Variants in NAALADL2 observed in about 807,000 individuals in gnomAD.
NAALADL2 encodes the protein N-acetylated alpha-linked acidic dipeptidase like 2, also known as inactive N-acetylated-alpha-linked acidic dipeptidase-like protein 2.
In NAALADL2, 76 loss-of-function variants were observed where a neutral mutation model predicts 87.2. That is an observed-to-expected ratio of 0.87 (90% CI 0.72 to 1.05). NAALADL2 has a LOEUF of 1.05. Among genes scored for constraint, NAALADL2 ranks in the 50% least tolerant of loss-of-function variants. NAALADL2 has a pLI of 0.00. For synonymous variants in NAALADL2, 354 were observed against 331.0 expected, an observed-to-expected ratio of 1.07 and a Z score of -0.75; for missense variants, 1,089 against 945.8, an observed-to-expected ratio of 1.15 and a Z score of -1.99.
At chr3:174,947,448 G>A (rs571691378) in intron 1 of NAALADL2, among the ~76,000 whole-genome samples, 1 of 152,094 alleles carries the variant, frequency 6.6e-6, no homozygotes, top group African/African-American at 2.4e-5. Flanking sequence ...AAGATTAACA[G>A]TTCCTTCCTT....
chr3:174,691,369 G>A (rs932950752), intron 2 of NAALADL2, among the ~76,000 whole-genome samples: 7 of 151,778 alleles, frequency 4.6e-5, no homozygotes, highest in African/African-American at 1.2e-4. Flanking sequence ...CCGAGATCGC[G>A]CCACTGCACT....
intron 2 of NAALADL2, among the ~76,000 whole-genome samples, chr3:174,661,170 G>C (rs1725466217): frequency 6.6e-6 from 1 of 152,054 alleles, no homozygotes; most frequent in South Asian, 2.1e-4. Flanking sequence ...AGGAAATCTT[G>C]GCCAGATGGG....
At chr3:174,721,899 G>A (rs115170938) in intron 2 of NAALADL2, among the ~76,000 whole-genome samples, 2,166 of 152,190 alleles carry the variant, frequency 0.014, 52 homozygotes, top group African/African-American at 0.049. Context: ...GACCAGAGGG[G>A]TCCAAGACGC....
intron 9 of NAALADL2, among the ~76,000 whole-genome samples, chr3:175,502,342 A>C (rs1862075): frequency 0.89 from 135,021 of 151,992 alleles, 59,999 homozygotes; most frequent in East Asian, 0.98. Context: ...AATGTATGTA[A>C]CCCTCATGCA....
chr3:174,795,246 C>T (rs1717953372), intron 3 of NAALADL2, among the ~76,000 whole-genome samples: 2 of 151,764 alleles, frequency 1.3e-5, no homozygotes, highest in Non-Finnish European at 2.9e-5. Flanking sequence ...ATTTACCAGC[C>T]TCAGCCTCCC....
chr3:174,850,506 A>C (rs9833244), intron 3 of NAALADL2, among the ~76,000 whole-genome samples: 30,570 of 152,156 alleles, frequency 0.2, 3,300 homozygotes, highest in East Asian at 0.44. Context: ...CAAGACAAAA[A>C]CTGTAAAAAG....
intron 9 of NAALADL2, among the ~76,000 whole-genome samples, chr3:175,572,088 G>T (rs13098945): frequency 6.6e-6 from 1 of 152,200 alleles, no homozygotes; most frequent in South Asian, 2.1e-4. Context: ...GGCCAACAGA[G>T]AAACTCTGGG....
intron 2 of NAALADL2, among the ~76,000 whole-genome samples, chr3:174,614,013 TCTGA>T (rs1295297080): frequency 2.6e-5 from 4 of 152,198 alleles, no homozygotes; most frequent in Admixed American, 2.6e-4. Context: ...GTCTCAGGAC[TCTGA>T]CTGATGTCCT....
rs1244400650 is a variant in NAALADL2 at position 175,718,195 on chromosome 3, G to GTTTTTTT, written c.1897-19089_1897-19083dup. The GTTTTTTT allele has an allele frequency of 1.0e-4, 84 of 823,386 alleles. 17 individuals carry two copies. The highest frequency in any genetic ancestry group is 8.9e-4 in the Middle Eastern group (2 of 2,238). 51.0% of individuals were successfully genotyped at this position (823,386 alleles called of 1,614,324 possible). On this transcript the variant is annotated intron_variant, in intron 11 of 13. Transcript: ENST00000454872. Reference sequence around the variant, plus strand: ...TGGAGGGGAAGGGGAAGGGCCTGTGGTTTTTTTTTTTTTTTTTTTTTTTTT... The same window carrying GTTTTTTT: ...TGGAGGGGAAGGGGAAGGGCCTGTGGTTTTTTTTTTTTTTTTTTTTTTTTTTTTTTTT...
chr3:175,260,887 T>C (rs1426299684), intron 4 of NAALADL2, among the ~76,000 whole-genome samples: 1 of 152,172 alleles, frequency 6.6e-6, no homozygotes, highest in African/African-American at 2.4e-5. Flanking sequence ...ATTGGTTTGA[T>C]CATAAATACT....
At chr3:174,978,064 C>G (rs1744599329) in intron 1 of NAALADL2, among the ~76,000 whole-genome samples, 1 of 152,196 alleles carries the variant, frequency 6.6e-6, no homozygotes, top group South Asian at 2.1e-4. Flanking sequence ...CAGGAGGAAA[C>G]AAGCGTAGAA....
intron 2 of NAALADL2, among the ~76,000 whole-genome samples, chr3:174,724,986 A>T (rs1294440069): frequency 6.6e-6 from 1 of 152,194 alleles, no homozygotes; most frequent in Non-Finnish European, 1.5e-5. Context: ...TTTTCAAAAA[A>T]ATCTAGAGCT....
intron 13 of NAALADL2, among the ~76,000 whole-genome samples, chr3:175,779,542 A>C (rs562443432): frequency 2.6e-5 from 4 of 152,034 alleles, no homozygotes; most frequent in Non-Finnish European, 4.4e-5. Context: ...TAAGCATATA[A>C]ACTTCAGTAT....
intron 5 of NAALADL2, among the ~76,000 whole-genome samples, chr3:175,426,017 A>G (rs1716715152): frequency 1.3e-5 from 2 of 152,150 alleles, no homozygotes; most frequent in South Asian, 4.1e-4. Flanking sequence ...GTCAGAGAGA[A>G]CTGAAATGCT....
chr3:175,646,869 T>A (rs1730081521), intron 11 of NAALADL2, among the ~76,000 whole-genome samples: 1 of 152,092 alleles, frequency 6.6e-6, no homozygotes, highest in African/African-American at 2.4e-5. Context: ...GAGTGTTAAA[T>A]TCCCCATTAT....
At position 174,463,188 on chromosome 3, in the gene NAALADL2, C is replaced by A. The variant is rs141156996; in HGVS notation, c.-184+22156C>A. 3.7e-3 allele frequency among the ~76,000 whole-genome samples: 558 copies of A among 152,236 alleles called. 2 individuals are homozygous for A. The highest frequency in any genetic ancestry group is 4.8e-3 in the Non-Finnish European group (328 of 68,016). ...GATCCTGCAGAGAATCAAGCAAAAT[C>A]TGCATTATAGTACATTATATCCTGT... On this transcript the variant is annotated intron_variant, in intron 1 of 3. Coordinates refer to the NAALADL2 transcript ENST00000434257.
intron 11 of NAALADL2, among the ~76,000 whole-genome samples, chr3:175,637,434 A>T (rs777857640): frequency 4.6e-5 from 7 of 152,210 alleles, no homozygotes; most frequent in Admixed American, 1.3e-4. Flanking sequence ...CCTCATGTTG[A>T]AATTGATGCC....
intron 11 of NAALADL2, among the ~76,000 whole-genome samples, chr3:175,657,516 T>C (rs1731633909): frequency 6.6e-6 from 1 of 151,668 alleles, no homozygotes; most frequent in African/African-American, 2.4e-5. Flanking sequence ...TTTGCTAATT[T>C]AATTGAGGCT....
At chr3:174,850,018 T>A (rs1725073624) in intron 3 of NAALADL2, among the ~76,000 whole-genome samples, 1 of 152,216 alleles carries the variant, frequency 6.6e-6, no homozygotes, top group Non-Finnish European at 1.5e-5. Context: ...GGTAATTTAT[T>A]GTTGCTTGTT....
Sources: allele counts gnomAD v4.1 joint callset (sites outside exome capture counted in the v4.1 genomes callset), GRCh38; gene constraint gnomAD v4.1.1; transcripts MANE v1.5; gene names NCBI Gene and HGNC (gene_info 2026-07-23, HGNC 2026-07-21).